DOCK4: variants seen among roughly 807,000 people sequenced by gnomAD.
The protein encoded by DOCK4 is dedicator of cytokinesis protein 4.
DOCK4 carries 97 observed loss-of-function variants against 268.1 expected under a neutral mutation model. The observed-to-expected ratio is 0.36, with a 90% CI of 0.31 to 0.43. DOCK4 has a LOEUF of 0.43. Among genes scored for constraint, DOCK4 ranks in the 20% least tolerant of loss-of-function variants. DOCK4 has a pLI of 1.00. For synonymous variants in DOCK4, 954 were observed against 887.2 expected, an observed-to-expected ratio of 1.08 and a Z score of -1.34; for missense variants, 2,145 against 2,455.7, an observed-to-expected ratio of 0.87 and a Z score of 2.67.
chr7:111,902,141 G>A (rs1791199831), intron 13 of DOCK4, among the ~76,000 whole-genome samples: 1 of 152,138 alleles, frequency 6.6e-6, no homozygotes, highest in Non-Finnish European at 1.5e-5. Context: ...CCTAGCAGGG[G>A]TGGCTCAGAG....
At chr7:112,116,552 G>A (rs951377299) in intron 1 of DOCK4, among the ~76,000 whole-genome samples, 20 of 152,292 alleles carry the variant, frequency 1.3e-4, no homozygotes, top group Admixed American at 7.8e-4. Flanking sequence ...AACCAGAAGA[G>A]AAAACCTAAG....
intron 42 of DOCK4, among the ~76,000 whole-genome samples, chr7:111,747,950 C>T (rs1796380072): frequency 6.6e-6 from 1 of 151,944 alleles, no homozygotes; most frequent in Non-Finnish European, 1.5e-5. Context: ...TATAACAGCA[C>T]CATAAGGTGG....
chr7:111,880,556 A>G (rs1807292518), intron 16 of DOCK4, among the ~76,000 whole-genome samples: 2 of 152,206 alleles, frequency 1.3e-5, no homozygotes. Context: ...AAAACACAGA[A>G]TAGTATAATG....
At chr7:111,899,783 C>G (rs549885376) in intron 15 of DOCK4, among the ~76,000 whole-genome samples, 1 of 152,086 alleles carries the variant, frequency 6.6e-6, no homozygotes, top group Admixed American at 6.5e-5. Context: ...ATTAGCCAGG[C>G]GTGGTGGCCG....
chr7:112,072,983 G>A (rs922072613), intron 1 of DOCK4, among the ~76,000 whole-genome samples: 3 of 152,128 alleles, frequency 2.0e-5, no homozygotes, highest in African/African-American at 7.2e-5. Flanking sequence ...CCCACCCCAA[G>A]GGAAGAATCA....
chr7:111,929,003 T>C (rs1201960897), intron 12 of DOCK4, among the ~76,000 whole-genome samples: 1 of 152,200 alleles, frequency 6.6e-6, no homozygotes, highest in Non-Finnish European at 1.5e-5. Context: ...ATAACTGTAC[T>C]GTGGTTCTGT....
intron 25 of DOCK4, among the ~76,000 whole-genome samples, chr7:111,836,850 C>A (rs749080076): frequency 6.6e-6 from 1 of 151,642 alleles, no homozygotes; most frequent in African/African-American, 2.4e-5. Context: ...ACAGAAAAAA[C>A]TGAAATAAAA....
At chr7:111,934,765 T>C (rs1028146111) in intron 12 of DOCK4, among the ~76,000 whole-genome samples, 3 of 150,530 alleles carry the variant, frequency 2.0e-5, no homozygotes, top group Non-Finnish European at 4.4e-5. Flanking sequence ...GGTCTCGATC[T>C]CCTGACCTCG....
intron 1 of DOCK4, among the ~76,000 whole-genome samples, chr7:112,084,394 A>T (rs1808875059): frequency 1.3e-5 from 2 of 152,208 alleles, no homozygotes; most frequent in Admixed American, 1.3e-4. Flanking sequence ...TCAGCTGACT[A>T]GAAAATTTCA....
chr7:111,793,183 G>A (rs944240416), intron 30 of DOCK4, among the ~76,000 whole-genome samples: 8 of 152,130 alleles, frequency 5.3e-5, no homozygotes, highest in South Asian at 2.1e-4. Context: ...TCAATGACAC[G>A]GAAGGGTACC....
At chr7:112,012,828 G>C (rs1801461895) in intron 1 of DOCK4, among the ~76,000 whole-genome samples, 1 of 151,652 alleles carries the variant, frequency 6.6e-6, no homozygotes, top group Admixed American at 6.6e-5. Context: ...ATATCCCTCT[G>C]TTCCTTTTTT....
intron 4 of DOCK4, among the ~76,000 whole-genome samples, chr7:111,996,993 G>A (rs1800019028): frequency 6.6e-6 from 1 of 152,160 alleles, no homozygotes; most frequent in African/African-American, 2.4e-5. Context: ...TTGGGCTTGG[G>A]ACAAAGGCAG....
At chr7:111,999,474 G>C (rs1003141857) in intron 3 of DOCK4, among the ~76,000 whole-genome samples, 1 of 151,892 alleles carries the variant, frequency 6.6e-6, no homozygotes, top group Non-Finnish European at 1.5e-5. Flanking sequence ...AAATAACAGA[G>C]AAATCATACT....
intron 32 of DOCK4, among the ~76,000 whole-genome samples, chr7:111,785,356 G>T (rs913003337): frequency 6.6e-6 from 1 of 152,186 alleles, no homozygotes; most frequent in Non-Finnish European, 1.5e-5. Flanking sequence ...AATGCGGAAT[G>T]ATGTAGAAAT....
chr7:111,737,859 G>C (rs1357483478), intron 49 of DOCK4, among the ~76,000 whole-genome samples: 1 of 152,124 alleles, frequency 6.6e-6, no homozygotes, highest in Non-Finnish European at 1.5e-5. Flanking sequence ...AAGTGACAAA[G>C]GGAAATAGCT....
chr7:111,755,264 G>T (rs769625191), intron 42 of DOCK4, among the ~76,000 whole-genome samples: 4 of 151,310 alleles, frequency 2.6e-5, no homozygotes, highest in Non-Finnish European at 4.4e-5. Flanking sequence ...CTAACTCAAG[G>T]GCCTGAATAG....
At chr7:111,809,502 A>G (rs1800923220) in intron 28 of DOCK4, 101 bp from the exon 29 acceptor site, 2 of 954,096 alleles carry the variant, frequency 2.1e-6, no homozygotes, top group Non-Finnish European at 3.2e-6. Context: ...GGTTGAGGGT[A>G]TAGTTGAAGT....
intron 1 of DOCK4, among the ~76,000 whole-genome samples, chr7:112,166,280 C>T (rs1161913299): frequency 6.6e-6 from 1 of 152,012 alleles, no homozygotes; most frequent in Non-Finnish European, 1.5e-5. Flanking sequence ...AAAGAAAAAA[C>T]ATGCTCTTGG....
chr7:112,191,059 G>T lies in DOCK4; in HGVS notation c.37+15043C>A, dbSNP rs140484408. Reference sequence around the variant, plus strand: ...AGCCCCCTACCTTCTAGGCATCCCTGTTACTGCAGGTTTCTTGTTTTGTTT... The same window carrying T: ...AGCCCCCTACCTTCTAGGCATCCCTTTTACTGCAGGTTTCTTGTTTTGTTT... On this transcript the variant is annotated intron_variant, in intron 1 of 52. Coordinates refer to ENST00000428084, the MANE Select transcript of DOCK4 (RefSeq NM_001363540.2). Among the ~76,000 whole-genome samples the T allele has an allele frequency of 1.3e-3, 197 of 152,046 alleles. 1 individual carries two copies. The East Asian group carries it at 0.031, about 24-fold the overall frequency.
Sources: allele counts gnomAD v4.1 joint callset (sites outside exome capture counted in the v4.1 genomes callset), GRCh38; gene constraint gnomAD v4.1.1; transcripts MANE v1.5; gene names NCBI Gene and HGNC (gene_info 2026-07-23, HGNC 2026-07-21).